COQ8A: variants seen among roughly 807,000 people sequenced by gnomAD.
COQ8A encodes the protein atypical kinase COQ8A, mitochondrial.
In COQ8A, 51 loss-of-function variants were observed where a neutral mutation model predicts 65.0. The observed-to-expected ratio is 0.78, with a 90% confidence interval of 0.63 to 0.99. The LOEUF (loss-of-function observed/expected upper bound fraction) is 0.99. COQ8A is among the 50% of genes least tolerant of loss of function. The pLI is 0.00. For missense variants in COQ8A, 940 were observed against 875.0 expected (o/e 1.07, Z -0.94); for synonymous variants, 371 against 353.2 (o/e 1.05, Z -0.57).
intron 1 of COQ8A, among the ~76,000 whole-genome samples, chr1:226,953,200 T>C (rs941877196): frequency 3.9e-5 from 6 of 152,116 alleles, no homozygotes; most frequent in African/African-American, 1.4e-4. Flanking sequence ...TGGATAACTT[T>C]CGTATTTTTA....
intron 1 of COQ8A, among the ~76,000 whole-genome samples, chr1:226,943,465 A>G (rs1468677107): frequency 6.6e-6 from 1 of 152,086 alleles, no homozygotes; most frequent in Non-Finnish European, 1.5e-5. Context: ...AGCCCCACGG[A>G]GGTGGTTTGT....
intron 5 of COQ8A, among the ~76,000 whole-genome samples, chr1:226,981,692 A>G (rs1340689732): frequency 1.3e-5 from 2 of 151,892 alleles, no homozygotes; most frequent in African/African-American, 4.8e-5. Context: ...TCCCACTCCC[A>G]CGCCCCTTCC....
In COQ8A at chr1:226,976,438, G is replaced by A. The variant is rs991811704; in HGVS notation, c.656-1011G>A. Among the ~76,000 whole-genome samples, 4 of 152,062 alleles carry A rather than the reference G, an allele frequency of 2.6e-5. No individual in the cohort carries two copies. In the East Asian group the frequency reaches 7.7e-4, roughly 29 times the overall value. On this transcript the variant is annotated intron_variant, in intron 4 of 14. Coordinates refer to ENST00000366777, the MANE Select transcript of COQ8A (RefSeq NM_020247.5). ...TGCCTGGCTTCGGGGCTGCGGGGCTGCGGGGCTGCGATGTTGCCCGGGTGC... is the reference window on the plus strand; with the variant it reads ...TGCCTGGCTTCGGGGCTGCGGGGCTACGGGGCTGCGATGTTGCCCGGGTGC...
At position 226,961,513 on chromosome 1, in the gene COQ8A, T is replaced by A. The variant is rs754971776; in HGVS notation, c.128T>A (p.Leu43Gln). 1.5e-5 allele frequency: 25 copies of A among 1,613,724 alleles called. No homozygotes were observed. Among genetic ancestry groups the A allele is most frequent in the Non-Finnish European group, 2.0e-5 (24 of 1,179,996 alleles). Residue 43 changes from leucine (L) to glutamine (Q), a missense_variant, in exon 2 of 15, where the codon CTG becomes CAG. Leu to Gln is a moderately radical substitution (Grantham distance 113). Transcript: ENST00000366777. ...GGELIMAARA[L>Q]QSTAVEQIGM... ...GAGCTGATCATGGCGGCCAGGGCCC[T>A]GCAGTCCACGGCTGTGGAGCAGATT... is the stretch of plus-strand genomic sequence containing the variant.
chr1:226,983,058 C>T, intron 8 of COQ8A, 24 bp downstream of exon 8: 2 of 1,569,824 alleles, frequency 1.3e-6, no homozygotes, highest in East Asian at 2.4e-5. Context: ...TGCGCAGTGC[C>T]TGTCCCTATG....
intron 4 of COQ8A, among the ~76,000 whole-genome samples, chr1:226,968,949 A>G (rs1469301585): frequency 6.6e-6 from 1 of 152,238 alleles, no homozygotes; most frequent in Non-Finnish European, 1.5e-5. Context: ...TTAGTTCATC[A>G]TAATAGCTGT....
At chr1:226,942,214 C>T (rs998858407) in intron 1 of COQ8A, among the ~76,000 whole-genome samples, 1 of 152,126 alleles carries the variant, frequency 6.6e-6, no homozygotes, top group Non-Finnish European at 1.5e-5. Context: ...AGGGGTCCCT[C>T]TGGGACCTGC....
intron 1 of COQ8A, among the ~76,000 whole-genome samples, chr1:226,959,243 C>T (rs1658000592): frequency 6.6e-6 from 1 of 152,070 alleles, no homozygotes; most frequent in South Asian, 2.1e-4. Flanking sequence ...GACTCCCTTG[C>T]AGAAAAATAC....
chr1:226,976,454 G>A (rs1291368420), intron 4 of COQ8A, among the ~76,000 whole-genome samples: 1 of 151,868 alleles, frequency 6.6e-6, no homozygotes, highest in Non-Finnish European at 1.5e-5. Flanking sequence ...CTGCGATGTT[G>A]CCCGGGTGCG....
intron 5 of COQ8A, among the ~76,000 whole-genome samples, chr1:226,978,218 CACCCTCTACACACCCACCACACACACCT>C (rs1659387762): frequency 9.5e-6 from 1 of 104,910 alleles, no homozygotes; most frequent in South Asian, 2.8e-4. Context: ...CCTCCTTACA[CACCCTCTACACACCCACCACACACACCT>C]GCTTACACAG....
In COQ8A at chr1:226,949,838, C is replaced by T. The variant is rs184400215; in HGVS notation, c.-10+9439C>T. Among the ~76,000 whole-genome samples, 4 of 152,266 alleles carry T rather than the reference C, an allele frequency of 2.6e-5. No individual in the cohort carries two copies. The highest frequency in any genetic ancestry group is 2.6e-4 in the Admixed American group (4 of 15,286). On this transcript the variant is annotated intron_variant, in intron 1 of 14. Coordinates refer to ENST00000366777, the MANE Select transcript of COQ8A (RefSeq NM_020247.5). This position sits in a 1 kb window ranked among gnomAD's most constrained non-coding sequence, Gnocchi z 4.0. ...TGCTGTTACATGGATTTATCCAGTCCTTTCAAGAACAGATGAGGAAACTGA... is the reference window on the plus strand; with the variant it reads ...TGCTGTTACATGGATTTATCCAGTCTTTTCAAGAACAGATGAGGAAACTGA...
intron 2 of COQ8A, 102 bp from the exon 3 acceptor site, chr1:226,964,898 G>A: frequency 7.4e-7 from 1 of 1,358,988 alleles, no homozygotes; most frequent in Non-Finnish European, 1.0e-6. Flanking sequence ...GGTGGGAGGG[G>A]GCGGGATGCT....
At chr1:226,981,731 C>A (rs779319981) in intron 5 of COQ8A, among the ~76,000 whole-genome samples, 2 of 152,208 alleles carry the variant, frequency 1.3e-5, no homozygotes, top group Non-Finnish European at 2.9e-5. Context: ...GGCCCTGTCA[C>A]GGCCCGCCAG....
intron 8 of COQ8A, chr1:226,983,341 C>G: frequency 1.5e-6 from 1 of 674,176 alleles, no homozygotes; most frequent in Non-Finnish European, 2.6e-6. Flanking sequence ...GAGCTGTTCC[C>G]AGGGGTGAGG....
chr1:226,944,019 G>T (rs1195132428), intron 1 of COQ8A, among the ~76,000 whole-genome samples: 1 of 152,126 alleles, frequency 6.6e-6, no homozygotes, highest in African/African-American at 2.4e-5. Flanking sequence ...AGATGGCAGG[G>T]AGGCAGGGGT....
chr1:226,960,734 T>G (rs1658197657), intron 1 of COQ8A, among the ~76,000 whole-genome samples: 1 of 152,086 alleles, frequency 6.6e-6, no homozygotes, highest in South Asian at 2.1e-4. Context: ...GACTGCAGTT[T>G]GAAAACATTG....
intron 4 of COQ8A, among the ~76,000 whole-genome samples, chr1:226,967,805 T>A (rs1231111656): frequency 2.0e-5 from 3 of 152,202 alleles, no homozygotes; most frequent in African/African-American, 7.2e-5. Context: ...TGTGGGTGTC[T>A]GTGTGCTGGA....
At position 226,965,226 on chromosome 1, in the gene COQ8A, C is replaced by T; in HGVS notation, c.404C>T (p.Ser135Phe). The T allele has an allele frequency of 1.2e-6, 2 of 1,613,964 alleles. No homozygotes were observed. The highest frequency in any genetic ancestry group is 1.1e-5 in the South Asian group (1 of 91,080). ...GAAGCCGGGTTCCCCGGCCAGGCCT[C>T]CTCCCCTCTGGGCAGGGCCAACGGG... ...FREAGFPGQASSPLGRANGRL... is the reference protein window; with the variant it reads ...FREAGFPGQAFSPLGRANGRL... The change falls in exon 3 of 15, where the codon TCC becomes TTC. Residue 135 changes from serine to phenylalanine, a missense_variant. By Grantham distance (155) the Ser-to-Phe change is radical. Transcript: ENST00000366777.
intron 6 of COQ8A, 134 bp from the exon 7 acceptor site, chr1:226,982,542 CCT>C: frequency 1.0e-6 from 1 of 965,458 alleles, no homozygotes; most frequent in Non-Finnish European, 1.6e-6. Flanking sequence ...TGCGAGGGCT[CCT>C]GTCTTTCTGG....
Sources: allele counts gnomAD v4.1 joint callset (sites outside exome capture counted in the v4.1 genomes callset), GRCh38; gene constraint gnomAD v4.1.1; non-coding constraint Gnocchi (gnomAD v3.1); transcripts MANE v1.5; gene names NCBI Gene and HGNC (gene_info 2026-07-23, HGNC 2026-07-21).